DMXL1: variants seen among roughly 807,000 people sequenced by gnomAD.
DMXL1 encodes Dmx like 1.
A neutral mutation model predicts 319.2 loss-of-function variants in DMXL1; 99 were observed. The observed-to-expected ratio is 0.31, with a 90% CI of 0.26 to 0.37. The LOEUF is 0.37. Ranked by LOEUF, DMXL1 falls within the 10% of genes least tolerant of loss-of-function variation. The pLI, the probability that DMXL1 is intolerant of heterozygous loss-of-function variation, is 1.00. For synonymous variants in DMXL1, 1,385 were observed against 1,235.2 expected (o/e 1.12, Z -2.54); for missense variants, 3,745 against 3,595.6 (o/e 1.04, Z -1.06).
At chr5:119,104,252 A>G (rs774249893) in intron 3 of DMXL1, 4 of 152,186 alleles carry the variant, frequency 2.6e-5, no homozygotes, top group African/African-American at 4.8e-5. Context: ...ATGCACTTAT[A>G]TGTCTTGTTC....
intron 29 of DMXL1, among the ~76,000 whole-genome samples, chr5:119,190,455 T>C (rs12152880): frequency 0.028 from 4,282 of 152,312 alleles, 120 homozygotes; most frequent in Non-Finnish European, 0.041. Flanking sequence ...TTTAAAGTCT[T>C]TCAGTGATTG....
chr5:119,174,330 A>G (rs1775361826), intron 25 of DMXL1, among the ~76,000 whole-genome samples: 1 of 143,758 alleles, frequency 7.0e-6, no homozygotes, highest in Non-Finnish European at 1.6e-5. Context: ...CTCACACTTC[A>G]CTTCTGTTGG....
At chr5:119,071,080 G>A (rs1397970705), upstream of DMXL1, 1 of 161,064 alleles carries the variant, frequency 6.2e-6, no homozygotes, top group Non-Finnish European at 1.4e-5. Context: ...TTCGGCCGCA[G>A]GGATCCAGAG....
At position 119,071,390 on chromosome 5, in the gene DMXL1, C is replaced by G. The variant is rs1028140223; in HGVS notation, c.-180C>G. The G allele has an allele frequency of 1.7e-6, 1 of 598,100 alleles. No homozygotes were observed. The highest frequency in any genetic ancestry group is 2.0e-5 in the African/African-American group (1 of 50,034). The allele number at this position is 598,100 out of a possible 1,614,324, so 37.0% of individuals were successfully genotyped here. A position where few individuals can be genotyped will look rare whatever the true frequency, so the allele number is the denominator to read the frequency against. On this transcript the variant is annotated 5_prime_UTR_variant, in exon 1 of 44. Transcript: ENST00000539542. ...ACCCGCCCCCTCCGGGCCTCGCCCT[C>G]CGGGGCTCGGGATGAGTCGCGGGCC...
chr5:119,244,378 T>G lies in DMXL1; in HGVS notation c.8724T>G (p.Ser2908Arg). ...SLVHAFTCHDSGATVLAYAPK... is the reference protein window; with the variant it reads ...SLVHAFTCHDRGATVLAYAPK... The stretch of plus-strand genomic sequence containing the variant: ...TTTCAGCATTTACCTGCCATGACAG[T>G]GGAGCCACAGTTTTAGCATATGCTC... The change falls in exon 43 of 44, where the codon AGT (serine) becomes AGG (arginine). Residue 2908 changes from serine (S) to arginine (R), a missense_variant. Ser to Arg is a moderately radical substitution (Grantham distance 110). Around this residue, in one of 4 missense-constraint regions of DMXL1, gnomAD observed 262 missense variants for 320.5 expected, o/e 0.82. Transcript: ENST00000539542. 6.2e-7 allele frequency: 1 copy of G among 1,613,914 alleles called. No individual in the cohort carries two copies. The highest frequency in any genetic ancestry group is 1.1e-5 in the South Asian group (1 of 91,046).
chr5:119,103,385 A>G (rs1455326437), intron 3 of DMXL1, among the ~76,000 whole-genome samples: 1 of 152,190 alleles, frequency 6.6e-6, no homozygotes, highest in African/African-American at 2.4e-5. Flanking sequence ...GTATTTTACA[A>G]ATTACTTCAA....
chr5:119,123,195 C>A (rs188122392), intron 9 of DMXL1, among the ~76,000 whole-genome samples: 4 of 151,758 alleles, frequency 2.6e-5, no homozygotes, highest in Non-Finnish European at 4.4e-5. Flanking sequence ...CGCAGGCACT[C>A]GGCAGGCTGA....
Position 119,173,776 on chromosome 5 carries a change from GTATA to G in DMXL1, c.6682-1466_6682-1463del, listed in dbSNP as rs758312462. ...TGTGTATATATATATATGTGTGTGTGTATATATATATATATATATATAATGAGAG... is the reference window on the plus strand; with the variant it reads ...TGTGTATATATATATATGTGTGTGTGTATATATATATATATATAATGAGAG... On this transcript the variant is annotated intron_variant, in intron 25 of 43. Transcript: ENST00000539542. 9.3e-3 allele frequency among the ~76,000 whole-genome samples: 628 copies of G among 67,168 alleles called. 56 individuals carry two copies. The highest frequency in any genetic ancestry group is 0.03 in the African/African-American group (544 of 18,024). The allele number at this position is 67,168 out of a possible 152,430, so 44.1% of individuals were successfully genotyped here. A position where few individuals can be genotyped will look rare whatever the true frequency, so the allele number is the denominator to read the frequency against.
chr5:119,224,568 G>C, intron 37 of DMXL1, 141 bp from the exon 38 acceptor site: 1 of 360,584 alleles, frequency 2.8e-6, no homozygotes, highest in Non-Finnish European at 5.2e-6. Flanking sequence ...CTGTTATCAT[G>C]TTTAGTATTT....
intron 2 of DMXL1, among the ~76,000 whole-genome samples, chr5:119,101,307 T>G (rs1757225213): frequency 6.6e-6 from 1 of 152,140 alleles, no homozygotes; most frequent in East Asian, 1.9e-4. Flanking sequence ...CATCATATGT[T>G]TTTTTTTCTA....
chr5:119,212,449 C>T lies in DMXL1; in HGVS notation c.7927-4452C>T, dbSNP rs372909550. Among the ~76,000 whole-genome samples the T allele has an allele frequency of 2.2e-4, 34 of 152,186 alleles. 1 individual carries two copies. In the East Asian group the frequency reaches 4.8e-3, roughly 22 times the overall value. The stretch of plus-strand genomic sequence containing the variant: ...TGTTCATACATTTTGTTTATCCATT[C>T]GTCAGTTAGTGGACATTTGAGTTGT... On this transcript the variant is annotated intron_variant, in intron 34 of 43. Transcript: ENST00000539542.
At chr5:119,203,930 C>A (rs1387884777) in intron 33 of DMXL1, among the ~76,000 whole-genome samples, 3 of 152,174 alleles carry the variant, frequency 2.0e-5, no homozygotes, top group Non-Finnish European at 4.4e-5. Context: ...TCACACCATT[C>A]TCCTGCCTCA....
At chr5:119,197,310 A>G (rs773349010) in intron 31 of DMXL1, among the ~76,000 whole-genome samples, 12 of 152,214 alleles carry the variant, frequency 7.9e-5, no homozygotes, top group Non-Finnish European at 1.3e-4. Flanking sequence ...GATACTAACA[A>G]TAGATGATGA....
At position 119,164,490 on chromosome 5, in the gene DMXL1, T is replaced by G. The variant is rs1381775380; in HGVS notation, c.4703-17T>G. On this transcript the variant is annotated splice_polypyrimidine_tract_variant and intron_variant, in intron 19 of 43. Transcript: ENST00000539542. ...TATTTATAATTCTTATAAACATCAT[T>G]TTTTACATTTCTTCAGGCCTGTCTA... 1.2e-6 allele frequency: 2 copies of G among 1,603,886 alleles called. No homozygotes were observed. Among genetic ancestry groups the G allele is most frequent in the Admixed American group, 3.4e-5 (2 of 59,498 alleles).
chr5:119,105,756 G>T (rs1758196264), intron 4 of DMXL1, among the ~76,000 whole-genome samples: 1 of 152,064 alleles, frequency 6.6e-6, no homozygotes, highest in African/African-American at 2.4e-5. Context: ...AATTAGCTGG[G>T]CATAGTGGCG....
At chr5:119,232,301 G>A (rs866061528) in intron 38 of DMXL1, among the ~76,000 whole-genome samples, 12 of 152,140 alleles carry the variant, frequency 7.9e-5, no homozygotes, top group African/African-American at 2.2e-4. Context: ...ACCTCCTACC[G>A]CTGCCCAATG....
intron 1 of DMXL1, among the ~76,000 whole-genome samples, chr5:119,089,293 T>TATATGCATATATA (rs70982466): frequency 3.9e-5 from 1 of 25,332 alleles, no homozygotes; most frequent in Non-Finnish European, 6.9e-5. Flanking sequence ...TATATATATA[T>TATATGCATATATA]TTTTTTTTTT....
chr5:119,113,019 A>G (rs1204670818), intron 5 of DMXL1, among the ~76,000 whole-genome samples: 5 of 152,174 alleles, frequency 3.3e-5, no homozygotes, highest in Non-Finnish European at 7.3e-5. Flanking sequence ...GATTAACCAG[A>G]TGTTCTAAAA....
rs746923163 is a variant in DMXL1 at position 119,148,997 on chromosome 5, T to C, written c.3170T>C (p.Leu1057Ser). The stretch of plus-strand genomic sequence containing the variant: ...GTTAGCTGTGCACATACAAATCGTT[T>C]AGCAGTAGCTTATAAGCAGCCTGCA... Reference protein sequence around the residue: ...VEVSCAHTNRLAVAYKQPASN... With the variant: ...VEVSCAHTNRSAVAYKQPASN... Residue 1057 changes from leucine (L) to serine (S), a missense_variant, in exon 18 of 44, where the codon TTA (leucine) becomes TCA (serine). Physicochemically the swap from Leu to Ser is moderately radical, Grantham distance 145. Around this residue, in one of 4 missense-constraint regions of DMXL1, gnomAD observed 2,096 missense variants for 1,985.4 expected, o/e 1.06. Coordinates refer to ENST00000539542, the MANE Select transcript of DMXL1 (RefSeq NM_001290321.3). The C allele has an allele frequency of 4.3e-6, 7 of 1,613,822 alleles. No homozygotes were observed. The highest frequency in any genetic ancestry group is 1.7e-5 in the Admixed American group (1 of 59,978).
Sources: gnomAD v4.1 joint callset for allele counts (sites outside exome capture counted in the v4.1 genomes callset) on GRCh38, gnomAD v4.1.1 for gene constraint, gnomAD v4.1.1 regional missense constraint, MANE v1.5 for transcripts, NCBI Gene and HGNC (gene_info 2026-07-23, HGNC 2026-07-21) for gene names.